Variants in SOHLH2 observed in about 807,000 individuals in gnomAD.
The protein encoded by SOHLH2 is spermatogenesis and oogenesis specific basic helix-loop-helix 2, also known as spermatogenesis- and oogenesis-specific basic helix-loop-helix-containing protein 2.
SOHLH2 carries 22 observed loss-of-function variants against 50.4 expected under a neutral mutation model. The ratio of observed to expected loss-of-function variants is 0.44; its 90% CI spans 0.31 to 0.62. The LOEUF is 0.62. SOHLH2 is among the 20% of genes least tolerant of loss of function. The pLI is 0.08. For synonymous variants in SOHLH2, 185 were observed against 187.3 expected, an observed-to-expected ratio of 0.99 and a Z score of 0.10; for missense variants, 412 against 504.4, an observed-to-expected ratio of 0.82 and a Z score of 1.76.
chr13:36,190,014 A>G lies in SOHLH2; in HGVS notation c.573T>C (p.Ala191=). 6.2e-7 allele frequency: 1 copy of G among 1,608,560 alleles called. No individual in the cohort carries two copies. The highest frequency in any genetic ancestry group is 8.5e-7 in the Non-Finnish European group (1 of 1,176,548). The change falls in exon 6 of 11, where the codon GCT becomes GCC. Residue 191 remains alanine, a synonymous_variant. Coordinates refer to ENST00000379881, the MANE Select transcript of SOHLH2 (RefSeq NM_017826.3). ...LRNGNGLELN[A]SLSEFEKNKK... ...TGTTTTTCTCGAACTCTGACAACGA[A>G]GCATTTAATTCAAGCCCATTGCCAT...
intron 1 of SOHLH2, among the ~76,000 whole-genome samples, chr13:36,212,737 C>G (rs1489389038): frequency 2.0e-5 from 3 of 152,240 alleles, no homozygotes; most frequent in Admixed American, 2.0e-4. Flanking sequence ...TGTAATTCCA[C>G]CACTCAGGGT....
Position 36,201,977 on chromosome 13 carries a change from C to T in SOHLH2, c.165G>A (p.Glu55=), listed in dbSNP as rs762994605. 32 of 1,614,098 alleles carry T rather than the reference C, an allele frequency of 2.0e-5. No individual in the cohort carries two copies. Among genetic ancestry groups the T allele is most frequent in the Non-Finnish European group, 2.7e-5 (32 of 1,180,052 alleles). The change falls in exon 2 of 11, where the codon GAG becomes GAA. Residue 55 remains glutamate, a synonymous_variant. Transcript: ENST00000379881. The part of the protein sequence containing the change: ...EVTITISDTK[E]AAALLDDCIF... ...TGCAATCATCCAAAAGCGCTGCTGC[C>T]TCCTTCGTGTCACTGATGGTGATGG...
At chr13:36,200,562 C>T (rs1887868082) in intron 2 of SOHLH2, among the ~76,000 whole-genome samples, 1 of 152,148 alleles carries the variant, frequency 6.6e-6, no homozygotes, top group Non-Finnish European at 1.5e-5. Flanking sequence ...AAAAAAGAGG[C>T]TTATCTTGTA....
chr13:36,209,601 C>T (rs1387941816), intron 1 of SOHLH2, among the ~76,000 whole-genome samples: 1 of 152,150 alleles, frequency 6.6e-6, no homozygotes, highest in Admixed American at 6.5e-5. Context: ...GGGCTCCTCC[C>T]TTATGACCTA....
At position 36,184,459 on chromosome 13, in the gene SOHLH2, C is replaced by CTTTTTTTTTTTTTTTT. The variant is rs764218457; in HGVS notation, c.641+5486_641+5487insAAAAAAAAAAAAAAAA. 2.2e-4 allele frequency among the ~76,000 whole-genome samples: 18 copies of CTTTTTTTTTTTTTTTT among 81,664 alleles called. 3 individuals carry two copies. The highest frequency in any genetic ancestry group is 6.9e-4 in the African/African-American group (14 of 20,412). The allele number at this position is 81,664 out of a possible 152,430, so 53.6% of individuals were successfully genotyped here. On this transcript the variant is annotated intron_variant, in intron 6 of 10. Coordinates refer to ENST00000379881, the MANE Select transcript of SOHLH2 (RefSeq NM_017826.3). ...TGATGGAAGTTTCTACCTACAAAGA[C>CTTTTTTTTTTTTTTTT]CTTTTTTTTTTTTTTTTTTTGAGAC...
At chr13:36,192,650 T>C (rs554330649) in intron 4 of SOHLH2, among the ~76,000 whole-genome samples, 2 of 152,350 alleles carry the variant, frequency 1.3e-5, no homozygotes, top group South Asian at 4.1e-4. Flanking sequence ...TAAAGTATAA[T>C]TGACAATTCG....
Position 36,209,642 on chromosome 13 carries a change from C to T in SOHLH2, c.48+4837G>A, listed in dbSNP as rs111233891. On this transcript the variant is annotated intron_variant, in intron 1 of 10. Coordinates refer to ENST00000379881, the MANE Select transcript of SOHLH2 (RefSeq NM_017826.3). ...CTCCCAAAGACCCCACCTGCTAACG[C>T]CATCACCTTAGCAGTTAAGATTTCA... 8.1e-3 allele frequency among the ~76,000 whole-genome samples: 1,226 copies of T among 152,294 alleles called. 14 individuals carry two copies. Among genetic ancestry groups the T allele is most frequent in the African/African-American group, 0.028 (1,173 of 41,548 alleles).
intron 2 of SOHLH2, among the ~76,000 whole-genome samples, chr13:36,199,060 A>G (rs376222588): frequency 6.6e-6 from 1 of 152,250 alleles, no homozygotes; most frequent in South Asian, 2.1e-4. Context: ...TGGTTTAGTC[A>G]TTAAATATTA....
In SOHLH2 at chr13:36,168,963, G is replaced by T. The variant is rs2138260857; in HGVS notation, c.*71C>A. ...GGTGGAGCTTTCAAAATCATTCTTT[G>T]TTCCACTTTTCCTAGATTGTCAAAC... On this transcript the variant is annotated 3_prime_UTR_variant, in exon 11 of 11. Coordinates refer to ENST00000379881, the MANE Select transcript of SOHLH2 (RefSeq NM_017826.3). The T allele has an allele frequency of 6.4e-7, 1 of 1,563,090 alleles. No individual in the cohort carries two copies. The highest frequency in any genetic ancestry group is 2.4e-5 in the East Asian group (1 of 42,502).
chr13:36,204,404 C>A (rs1757996801), intron 1 of SOHLH2, among the ~76,000 whole-genome samples: 1 of 152,102 alleles, frequency 6.6e-6, no homozygotes, highest in African/African-American at 2.4e-5. Flanking sequence ...TATTCTAATA[C>A]TTTTAAGGGT....
rs1358042919 is a variant in SOHLH2 at position 36,181,201 on chromosome 13, C to G, written c.642-6332G>C. On this transcript the variant is annotated intron_variant, in intron 6 of 10. Transcript: ENST00000379881. ...AGCCTATCTGACTTTCTTATACTTC[C>G]TGTTTCCACAATGGATATATTTCTA... Among the ~76,000 whole-genome samples the G allele has an allele frequency of 7.2e-5, 11 of 152,078 alleles. No homozygotes were observed. The East Asian group carries it at 2.1e-3, about 29-fold the overall frequency.
chr13:36,200,389 A>G (rs1329094637), intron 2 of SOHLH2, among the ~76,000 whole-genome samples: 1 of 148,354 alleles, frequency 6.7e-6, no homozygotes, highest in African/African-American at 2.6e-5. Context: ...AATGCAGACC[A>G]GTTGTTCTAA....
intron 6 of SOHLH2, 110 bp from the exon 7 acceptor site, chr13:36,174,979 C>A: frequency 7.1e-7 from 1 of 1,402,354 alleles, no homozygotes; most frequent in South Asian, 1.6e-5. Flanking sequence ...ACCATCCCCT[C>A]CCTATATAGT....
chr13:36,180,790 G>A (rs997853324), intron 6 of SOHLH2, among the ~76,000 whole-genome samples: 8 of 151,706 alleles, frequency 5.3e-5, no homozygotes, highest in Admixed American at 2.6e-4. Flanking sequence ...TATCCCCACC[G>A]GTATGCAGTC....
At chr13:36,181,468 C>G (rs1381404499) in intron 6 of SOHLH2, among the ~76,000 whole-genome samples, 1 of 151,750 alleles carries the variant, frequency 6.6e-6, no homozygotes, top group Non-Finnish European at 1.5e-5. Flanking sequence ...TATCTTTTGG[C>G]TTCACAGCAA....
At chr13:36,178,837 T>C (rs1887167585) in intron 6 of SOHLH2, among the ~76,000 whole-genome samples, 1 of 151,398 alleles carries the variant, frequency 6.6e-6, no homozygotes, top group Non-Finnish European at 1.5e-5. Flanking sequence ...TTTTTTTGCA[T>C]ATTTGTTCCT....
In SOHLH2 at chr13:36,202,392, T is replaced by C. The variant is rs1593957875; in HGVS notation, c.49-299A>G. ...ATTTCTCTCTCATCCTATTAAATGA[T>C]AGAGTTCTTATGACTCAGTTTTCCA... On this transcript the variant is annotated intron_variant, in intron 1 of 10. Transcript: ENST00000379881. Among the ~76,000 whole-genome samples, 6 of 152,348 alleles carry C rather than the reference T, an allele frequency of 3.9e-5. No homozygotes were observed. The South Asian group carries it at 1.2e-3, about 32-fold the overall frequency.
At position 36,199,045 on chromosome 13, in the gene SOHLH2, C is replaced by T. The variant is rs1029787052; in HGVS notation, c.263+2834G>A. ...AGAAGAAAAGTAGAGCCAGGCTTTTCATTTTGGTTTAGTCATTAAATATTA... is the reference window on the plus strand; with the variant it reads ...AGAAGAAAAGTAGAGCCAGGCTTTTTATTTTGGTTTAGTCATTAAATATTA... On this transcript the variant is annotated intron_variant, in intron 2 of 10. Transcript: ENST00000379881. Among the ~76,000 whole-genome samples, 5 of 152,286 alleles carry T rather than the reference C, an allele frequency of 3.3e-5. No individual in the cohort carries two copies. The East Asian group carries it at 9.7e-4, about 29-fold the overall frequency.
chr13:36,214,334 A>C (rs1375188887), intron 1 of SOHLH2, 145 bp downstream of exon 1: 17 of 1,004,930 alleles, frequency 1.7e-5, no homozygotes, highest in Non-Finnish European at 2.4e-5. Context: ...GCGTCCTGGA[A>C]GGGGCCCTTC....
Sources: allele counts gnomAD v4.1 joint callset (sites outside exome capture counted in the v4.1 genomes callset), GRCh38; gene constraint gnomAD v4.1.1; transcripts MANE v1.5; gene names NCBI Gene and HGNC (gene_info 2026-07-23, HGNC 2026-07-21).